The following ST6GALNAC3 variants were observed in gnomAD, a reference collection of about 807,000 sequenced individuals.
ST6GALNAC3 encodes ST6 N-acetylgalactosaminide alpha-2,6-sialyltransferase 3.
A neutral mutation model predicts 32.7 loss-of-function variants in ST6GALNAC3; 25 were observed. The observed-to-expected ratio is 0.76, with a 90% CI of 0.56 to 1.07. ST6GALNAC3 has a LOEUF of 1.07. Ranked by LOEUF, ST6GALNAC3 falls within the 50% of genes least tolerant of loss-of-function variation. ST6GALNAC3 has a pLI of 0.00. For missense variants in ST6GALNAC3, 355 were observed against 382.4 expected, an observed-to-expected ratio of 0.93 and a Z score of 0.60; for synonymous variants, 129 against 133.1, an observed-to-expected ratio of 0.97 and a Z score of 0.21.
chr1:76,557,555 C>A (rs1436083), intron 3 of ST6GALNAC3, among the ~76,000 whole-genome samples: 1 of 151,848 alleles, frequency 6.6e-6, no homozygotes, highest in Non-Finnish European at 1.5e-5. Flanking sequence ...ATTTATATGT[C>A]TTATTGTTTA....
chr1:76,388,886 C>T (rs1214213793), intron 2 of ST6GALNAC3, among the ~76,000 whole-genome samples: 1 of 152,090 alleles, frequency 6.6e-6, no homozygotes, highest in Non-Finnish European at 1.5e-5. Flanking sequence ...GCTGACATTG[C>T]TCTCTGATCC....
chr1:76,456,460 C>T (rs1657806394), intron 3 of ST6GALNAC3, among the ~76,000 whole-genome samples: 1 of 152,056 alleles, frequency 6.6e-6, no homozygotes, highest in Admixed American at 6.6e-5. Context: ...AATTCTGCCT[C>T]AGTGTCCTGA....
intron 3 of ST6GALNAC3, among the ~76,000 whole-genome samples, chr1:76,482,999 G>C (rs1659837922): frequency 6.6e-6 from 1 of 151,588 alleles, no homozygotes; most frequent in South Asian, 2.1e-4. Context: ...CCTTGCGACA[G>C]TTTGCTGAGA....
chr1:76,501,000 G>A (rs1191193697), intron 3 of ST6GALNAC3, among the ~76,000 whole-genome samples: 1 of 152,178 alleles, frequency 6.6e-6, no homozygotes, highest in Non-Finnish European at 1.5e-5. Context: ...ATAATACATT[G>A]TGATTAATCC....
chr1:76,370,104 G>A (rs1276952256), intron 2 of ST6GALNAC3, among the ~76,000 whole-genome samples: 1 of 152,130 alleles, frequency 6.6e-6, no homozygotes, highest in Admixed American at 6.6e-5. Context: ...CAGCAGGACC[G>A]CAGCAGGAAC....
At chr1:76,363,769 C>T (rs953398644) in intron 2 of ST6GALNAC3, among the ~76,000 whole-genome samples, 14 of 151,792 alleles carry the variant, frequency 9.2e-5, no homozygotes, top group African/African-American at 3.1e-4. Context: ...ACAATCATGG[C>T]GGAAAGCAAA....
chr1:76,262,450 T>C lies in ST6GALNAC3; in HGVS notation c.19-51355T>C, dbSNP rs116409134. Among the ~76,000 whole-genome samples the C allele has an allele frequency of 9.9e-3, 1,514 of 152,286 alleles. 19 individuals carry two copies. Among genetic ancestry groups the C allele is most frequent in the Non-Finnish European group, 0.011 (765 of 68,016 alleles). ...AATACTTAAGGGAGTGAAAGAGGAA[T>C]GTACAGAAGGCTAAAAGAGGTGAGT... On this transcript the variant is annotated intron_variant, in intron 1 of 4. Transcript: ENST00000328299.
intron 3 of ST6GALNAC3, among the ~76,000 whole-genome samples, chr1:76,457,986 C>G (rs1163515319): frequency 6.7e-6 from 1 of 149,704 alleles, no homozygotes; most frequent in African/African-American, 2.5e-5. Context: ...ACCTACTCAT[C>G]TGACAAAGGG....
intron 3 of ST6GALNAC3, among the ~76,000 whole-genome samples, chr1:76,418,014 C>T (rs1197743808): frequency 1.3e-5 from 2 of 152,148 alleles, no homozygotes; most frequent in African/African-American, 4.8e-5. Context: ...GTATCAAGAT[C>T]TCTACCTGGC....
chr1:76,531,235 G>T (rs925602737), intron 3 of ST6GALNAC3, among the ~76,000 whole-genome samples: 1 of 152,140 alleles, frequency 6.6e-6, no homozygotes, highest in Non-Finnish European at 1.5e-5. Context: ...TGATTATGGA[G>T]CTTGCCCCTT....
chr1:76,341,048 C>T (rs1647921621), intron 2 of ST6GALNAC3, among the ~76,000 whole-genome samples: 1 of 151,360 alleles, frequency 6.6e-6, no homozygotes, highest in South Asian at 2.1e-4. Context: ...TTTTAAAAAA[C>T]TTTAGTTTTA....
chr1:76,342,913 T>C (rs546940109), intron 2 of ST6GALNAC3, among the ~76,000 whole-genome samples: 1 of 152,238 alleles, frequency 6.6e-6, no homozygotes, highest in East Asian at 1.9e-4. Flanking sequence ...CACTTTTTAA[T>C]GGGGTTATTT....
At chr1:76,589,778 G>A (rs1359622441) in intron 3 of ST6GALNAC3, among the ~76,000 whole-genome samples, 1 of 151,490 alleles carries the variant, frequency 6.6e-6, no homozygotes, top group Non-Finnish European at 1.5e-5. Flanking sequence ...ACTACAAGCA[G>A]ATGAACTGGG....
Position 76,511,472 on chromosome 1 carries a change from G to A in ST6GALNAC3, c.623+99055G>A, listed in dbSNP as rs529241164. 1.2e-4 allele frequency among the ~76,000 whole-genome samples: 19 copies of A among 152,286 alleles called. No homozygotes were observed. The East Asian group carries it at 3.3e-3, about 26-fold the overall frequency. On this transcript the variant is annotated intron_variant, in intron 3 of 4. Transcript: ENST00000328299. ...TGCTGCTCACATCCCTAGCCTGTGTGCGGTGCCCCTCCCCTTTCCTCCCAC... is the reference window on the plus strand; with the variant it reads ...TGCTGCTCACATCCCTAGCCTGTGTACGGTGCCCCTCCCCTTTCCTCCCAC...
intron 1 of ST6GALNAC3, among the ~76,000 whole-genome samples, chr1:76,158,498 C>G (rs1018953706): frequency 6.6e-6 from 1 of 152,170 alleles, no homozygotes; most frequent in Non-Finnish European, 1.5e-5. Flanking sequence ...AGTCTGGATG[C>G]TTAGGGATTT....
intron 3 of ST6GALNAC3, among the ~76,000 whole-genome samples, chr1:76,475,496 T>C (rs1158916664): frequency 2.6e-5 from 4 of 152,190 alleles, no homozygotes; most frequent in Non-Finnish European, 5.9e-5. Context: ...GACTTTCACA[T>C]ATTTGGCTTA....
At chr1:76,611,934 T>A (rs550362281) in intron 3 of ST6GALNAC3, among the ~76,000 whole-genome samples, 1 of 152,274 alleles carries the variant, frequency 6.6e-6, no homozygotes, top group African/African-American at 2.4e-5. Flanking sequence ...TCAGACGATA[T>A]TGATTTTGTG....
intron 3 of ST6GALNAC3, among the ~76,000 whole-genome samples, chr1:76,464,951 A>G (rs1339602031): frequency 1.3e-5 from 2 of 152,128 alleles, no homozygotes; most frequent in African/African-American, 2.4e-5. Context: ...GCCAAAAGTC[A>G]TGTTTGGCAT....
At chr1:76,243,215 C>CT (rs1215819568) in intron 1 of ST6GALNAC3, among the ~76,000 whole-genome samples, 1 of 152,154 alleles carries the variant, frequency 6.6e-6, no homozygotes, top group African/African-American at 2.4e-5. Context: ...TGATAATGAG[C>CT]TTTTTTTCAT....
Sources: allele counts gnomAD v4.1 joint callset (sites outside exome capture counted in the v4.1 genomes callset), GRCh38; gene constraint gnomAD v4.1.1; transcripts MANE v1.5; gene names NCBI Gene and HGNC (gene_info 2026-07-23, HGNC 2026-07-21).